The following COPZ1 variants were observed in gnomAD, a reference collection of about 807,000 sequenced individuals.
COPZ1 encodes the protein coat protein complex I subunit zeta 1, also known as coatomer subunit zeta-1.
A neutral mutation model predicts 31.7 loss-of-function variants in COPZ1; 4 were observed. That is an observed-to-expected ratio of 0.13 (90% CI 0.06 to 0.29). The LOEUF (loss-of-function observed/expected upper bound fraction) is 0.29. Among genes scored for constraint, COPZ1 ranks in the 10% least tolerant of loss-of-function variants. The pLI, the probability that COPZ1 is intolerant of heterozygous loss-of-function variation, is 1.00. For synonymous variants in COPZ1, 74 were observed against 79.0 expected (o/e 0.94, Z 0.33); for missense variants, 156 against 211.5 (o/e 0.74, Z 1.63).
At chr12:54,345,433 CCTT>C in intron 4 of COPZ1, 24 bp from the exon 5 acceptor site, 2 of 1,600,338 alleles carry the variant, frequency 1.2e-6, no homozygotes, top group Non-Finnish European at 1.7e-6. Flanking sequence ...TGAACCTTAT[CCTT>C]CTGCCTCCTC....
chr12:54,345,630 T>C (rs546615950), intron 5 of COPZ1, 115 bp downstream of exon 5: 2 of 824,840 alleles, frequency 2.4e-6, no homozygotes, highest in East Asian at 2.6e-5. Context: ...TTGTAGGGGA[T>C]TGGCAAAGGC....
intron 1 of COPZ1, among the ~76,000 whole-genome samples, chr12:54,327,007 GTCTGGCTGTGT>G (rs1953666853): frequency 1.0e-5 from 1 of 95,718 alleles, no homozygotes; most frequent in African/African-American, 4.4e-5. Flanking sequence ...TTGAGATAGA[GTCTGGCTGTGT>G]TGCCCAGGCT....
chr12:54,349,023 G>A (rs1408452090), intron 7 of COPZ1, among the ~76,000 whole-genome samples: 1 of 152,174 alleles, frequency 6.6e-6, no homozygotes, highest in Admixed American at 6.5e-5. Flanking sequence ...AGTGAAGGCT[G>A]ACAGTGCTTG....
chr12:54,337,763 G>A (rs761316368), intron 1 of COPZ1, among the ~76,000 whole-genome samples: 4 of 152,232 alleles, frequency 2.6e-5, no homozygotes, highest in Non-Finnish European at 4.4e-5. Flanking sequence ...GAAATGACCA[G>A]CCTTTTCTGT....
At chr12:54,331,587 A>G (rs1953756595) in intron 1 of COPZ1, among the ~76,000 whole-genome samples, 1 of 152,132 alleles carries the variant, frequency 6.6e-6, no homozygotes, top group African/African-American at 2.4e-5. Flanking sequence ...TTAGAGGGAG[A>G]CTAAAACCAG....
At chr12:54,331,173 C>CTTTT (rs1000222358) in intron 1 of COPZ1, among the ~76,000 whole-genome samples, 219 of 80,254 alleles carry the variant, frequency 2.7e-3, no homozygotes, top group East Asian at 5.9e-3. Flanking sequence ...TTTTCACACT[C>CTTTT]TTTTTTTTTT....
chr12:54,334,805 C>T (rs1953827574), intron 1 of COPZ1, among the ~76,000 whole-genome samples: 1 of 151,898 alleles, frequency 6.6e-6, no homozygotes, highest in South Asian at 2.1e-4. Context: ...TGCAGCGAGC[C>T]GAGATCAGAC....
chr12:54,334,764 G>A (rs1378756346), intron 1 of COPZ1, among the ~76,000 whole-genome samples: 1 of 152,044 alleles, frequency 6.6e-6, no homozygotes, highest in African/African-American at 2.4e-5. Context: ...GGCTGAGGCA[G>A]GAGAATGGCG....
At chr12:54,340,656 G>A in intron 2 of COPZ1, 41 bp downstream of exon 2, 4 of 1,593,416 alleles carry the variant, frequency 2.5e-6, no homozygotes, top group South Asian at 2.3e-5. Context: ...CAGCACAAAG[G>A]TTTATTCTGA....
chr12:54,328,347 G>A (rs1592195439), intron 1 of COPZ1, among the ~76,000 whole-genome samples: 1 of 150,962 alleles, frequency 6.6e-6, no homozygotes, highest in Admixed American at 6.6e-5. Flanking sequence ...CGAGGTGGGC[G>A]GATCACGAGG....
At chr12:54,342,853 CTTTTTTTTTT>C (rs11321130) in intron 3 of COPZ1, among the ~76,000 whole-genome samples, 1 of 94,620 alleles carries the variant, frequency 1.1e-5, no homozygotes, top group East Asian at 2.8e-4. Context: ...GTAACGCCTT[CTTTTTTTTTT>C]TTTTTTTTTT....
intron 7 of COPZ1, among the ~76,000 whole-genome samples, chr12:54,348,508 G>C (rs1954099729): frequency 6.6e-6 from 1 of 152,112 alleles, no homozygotes; most frequent in Non-Finnish European, 1.5e-5. Context: ...GGAAGCCGAG[G>C]CTGGCGGATC....
chr12:54,343,640 G>A (rs1257423076), intron 4 of COPZ1, among the ~76,000 whole-genome samples: 2 of 152,162 alleles, frequency 1.3e-5, no homozygotes, highest in African/African-American at 4.8e-5. Context: ...TCTATGAAGG[G>A]TCCATACCTG....
rs757769300 is a variant in COPZ1 at position 54,349,602 on chromosome 12, T to C, written c.448-18T>C. On this transcript the variant is annotated intron_variant, in intron 7 of 8. Transcript: ENST00000262061. The stretch of plus-strand genomic sequence containing the variant: ...CCAGCTTTCTCCCACACTAAATGCT[T>C]GTATCTCTGTGCCATAGGGTGAAGA... The C allele has an allele frequency of 3.1e-6, 5 of 1,607,882 alleles. No homozygotes were observed. Among genetic ancestry groups the C allele is most frequent in the Non-Finnish European group, 1.7e-6 (2 of 1,174,396 alleles).
chr12:54,332,047 C>T (rs1394607008), intron 1 of COPZ1, among the ~76,000 whole-genome samples: 2 of 152,172 alleles, frequency 1.3e-5, no homozygotes, highest in African/African-American at 2.4e-5. Context: ...CCAGCAAGGC[C>T]GGGCGCGGTG....
At chr12:54,349,913 G>GATGCCTC (rs1385561440) in intron 8 of COPZ1, 1 of 598,100 alleles carries the variant, frequency 1.7e-6, no homozygotes, top group African/African-American at 1.9e-5. Context: ...CTGCCTGCCT[G>GATGCCTC]ATGCCTCATT....
Position 54,340,573 on chromosome 12 carries a change from C to T in COPZ1, c.45C>T (p.Ala15=). The T allele has an allele frequency of 6.2e-7, 1 of 1,614,100 alleles. No individual in the cohort carries two copies. The highest frequency in any genetic ancestry group is 8.5e-7 in the Non-Finnish European group (1 of 1,180,010). Reference sequence around the variant, plus strand: ...AACCTTCCCTGTATACTGTCAAAGCCATCCTGATTCTGGACAATGATGGAG... The same window carrying T: ...AACCTTCCCTGTATACTGTCAAAGCTATCCTGATTCTGGACAATGATGGAG... The part of the protein sequence containing the change: ...ILEPSLYTVK[A]ILILDNDGDR... Residue 15 remains alanine (A), a synonymous_variant, in exon 2 of 9, where the codon GCC becomes GCT. Coordinates refer to ENST00000262061, the MANE Select transcript of COPZ1 (RefSeq NM_016057.3).
rs1475384037 is a variant in COPZ1, at chr12:54,350,797, ACATGCTCC to A, written c.*276_*283del. On this transcript the variant is annotated 3_prime_UTR_variant, in exon 9 of 9. Transcript: ENST00000262061. ...TTTCTTTCTAGACTGGATTATGCTC[ACATGCTCC>A]CTTGCCCTGACATTTTTGTAAATTC... is the stretch of plus-strand genomic sequence containing the variant. The A allele has an allele frequency of 9.6e-6, 5 of 522,078 alleles. No individual in the cohort carries two copies. Among genetic ancestry groups the A allele is most frequent in the Non-Finnish European group, 1.7e-5 (5 of 288,048 alleles). 32.3% of individuals were successfully genotyped at this position (522,078 alleles called of 1,614,324 possible).
intron 8 of COPZ1, 134 bp downstream of exon 8, chr12:54,349,792 A>G (rs1362002890): frequency 1.2e-6 from 1 of 823,878 alleles, no homozygotes; most frequent in Non-Finnish European, 2.1e-6. Context: ...CTCTTATTCC[A>G]GAGAACTGGG....
Sources: allele counts gnomAD v4.1 joint callset (sites outside exome capture counted in the v4.1 genomes callset), GRCh38; gene constraint gnomAD v4.1.1; transcripts MANE v1.5; gene names NCBI Gene and HGNC (gene_info 2026-07-23, HGNC 2026-07-21).